The following LIN9 variants were observed in gnomAD, a reference collection of about 807,000 sequenced individuals.
LIN9 encodes the protein protein lin-9 homolog.
LIN9 carries 18 observed loss-of-function variants against 78.0 expected under a neutral mutation model. The observed-to-expected ratio is 0.23, with a 90% CI of 0.16 to 0.34. The LOEUF (loss-of-function observed/expected upper bound fraction) is 0.34, where lower values mean the gene tolerates loss of function less well. Among genes scored for constraint, LIN9 ranks in the 10% least tolerant of loss-of-function variants. The pLI is 1.00. For missense variants in LIN9, 451 were observed against 644.1 expected (o/e 0.70, Z 3.25); for synonymous variants, 192 against 215.2 (o/e 0.89, Z 0.94).
At chr1:226,279,608 CAAAA>C (rs56886138) in intron 6 of LIN9, among the ~76,000 whole-genome samples, 2 of 64,838 alleles carry the variant, frequency 3.1e-5, no homozygotes, top group Admixed American at 1.9e-4. Flanking sequence ...GCCAAAAATA[CAAAA>C]AAAAAAAAAA....
intron 6 of LIN9, among the ~76,000 whole-genome samples, chr1:226,280,065 C>T (rs1374927893): frequency 1.3e-5 from 2 of 152,154 alleles, no homozygotes; most frequent in Non-Finnish European, 2.9e-5. Flanking sequence ...ACTATGTAAA[C>T]TTTTAATCAT....
At chr1:226,279,867 A>G (rs1457076114) in intron 6 of LIN9, among the ~76,000 whole-genome samples, 1 of 152,088 alleles carries the variant, frequency 6.6e-6, no homozygotes, top group African/African-American at 2.4e-5. Flanking sequence ...TCCAAGACTC[A>G]AAGATTTTGC....
intron 1 of LIN9, among the ~76,000 whole-genome samples, chr1:226,308,344 G>C (rs1231136666): frequency 1.1e-4 from 3 of 28,308 alleles, no homozygotes; most frequent in Admixed American, 4.6e-4. Flanking sequence ...CCCTAGGGTG[G>C]GTGTCAGGCA....
At chr1:226,250,714 G>A in intron 11 of LIN9, 125 bp downstream of exon 11, 1 of 591,638 alleles carries the variant, frequency 1.7e-6, no homozygotes. Flanking sequence ...ATGCAAATGA[G>A]GATTTAAAAA....
chr1:226,244,288 C>A (rs989610603), intron 11 of LIN9, among the ~76,000 whole-genome samples: 1 of 150,702 alleles, frequency 6.6e-6, no homozygotes, highest in Non-Finnish European at 1.5e-5. Flanking sequence ...AAAAATTAGC[C>A]GGGCGCGGTG....
chr1:226,256,408 A>G (rs1320530052), intron 10 of LIN9, among the ~76,000 whole-genome samples: 1 of 152,082 alleles, frequency 6.6e-6, no homozygotes, highest in Admixed American at 6.6e-5. Flanking sequence ...ATCATTCAAA[A>G]GTAAAACAGG....
intron 4 of LIN9, among the ~76,000 whole-genome samples, chr1:226,290,507 A>T (rs1158055753): frequency 6.6e-6 from 1 of 151,196 alleles, no homozygotes; most frequent in Non-Finnish European, 1.5e-5. Flanking sequence ...CGCCCGGCTA[A>T]TTTTTTGTAT....
intron 5 of LIN9, 44 bp from the exon 6 acceptor site, chr1:226,286,502 T>C (rs749633104): frequency 2.8e-6 from 4 of 1,442,526 alleles, no homozygotes; most frequent in Non-Finnish European, 2.8e-6. Flanking sequence ...TACAATGTGT[T>C]ACTTTCTTAA....
intron 8 of LIN9, 130 bp downstream of exon 8, chr1:226,267,827 G>A (rs1660029305): frequency 1.1e-6 from 1 of 924,948 alleles, no homozygotes; most frequent in South Asian, 2.0e-5. Context: ...GATAGGGCTG[G>A]GGTCCCCTAA....
intron 11 of LIN9, among the ~76,000 whole-genome samples, chr1:226,246,792 C>CAAA (rs34407541): frequency 2.7e-4 from 21 of 77,984 alleles, no homozygotes; most frequent in African/African-American, 7.4e-4. Context: ...GACTCTGTCT[C>CAAA]AAAAAAAAAA....
intron 6 of LIN9, among the ~76,000 whole-genome samples, 162 bp from the exon 7 acceptor site, chr1:226,278,094 G>C (rs182677934): frequency 4.6e-5 from 7 of 151,684 alleles, no homozygotes; most frequent in Non-Finnish European, 1.0e-4. Flanking sequence ...CGGCTCAAGC[G>C]ATTCTGGGCT....
At chr1:226,281,642 A>G (rs897064077) in intron 6 of LIN9, among the ~76,000 whole-genome samples, 4 of 152,028 alleles carry the variant, frequency 2.6e-5, no homozygotes, top group African/African-American at 9.7e-5. Context: ...TCTTCTTGAC[A>G]TAAGAACCCA....
At chr1:226,304,376 T>A (rs570505275) in intron 1 of LIN9, among the ~76,000 whole-genome samples, 4 of 152,084 alleles carry the variant, frequency 2.6e-5, no homozygotes, top group South Asian at 2.1e-4. Context: ...GAAAAAAAAA[T>A]TTTATTGAAT....
chr1:226,296,528 T>C (rs1304168425), intron 3 of LIN9, among the ~76,000 whole-genome samples: 1 of 152,124 alleles, frequency 6.6e-6, no homozygotes, highest in Non-Finnish European at 1.5e-5. Flanking sequence ...CACTTAAGGG[T>C]CTGTAATAGT....
At chr1:226,294,582 A>C (rs186483616) in intron 4 of LIN9, among the ~76,000 whole-genome samples, 4,851 of 151,774 alleles carry the variant, frequency 0.032, 276 homozygotes, top group African/African-American at 0.11. Flanking sequence ...AAAAAAAAAA[A>C]ACAAAAAAAA....
At chr1:226,263,163 T>C (rs1048867636) in intron 10 of LIN9, among the ~76,000 whole-genome samples, 2 of 152,162 alleles carry the variant, frequency 1.3e-5, no homozygotes, top group East Asian at 1.9e-4. Context: ...ACACAGAAGA[T>C]TTTTAGGGCA....
At chr1:226,273,382 G>A (rs982509296) in intron 7 of LIN9, among the ~76,000 whole-genome samples, 3 of 149,438 alleles carry the variant, frequency 2.0e-5, no homozygotes, top group African/African-American at 7.4e-5. Context: ...CCAAGGAACT[G>A]GAACTACAGG....
At chr1:226,279,171 A>G (rs1660878075) in intron 6 of LIN9, among the ~76,000 whole-genome samples, 1 of 151,734 alleles carries the variant, frequency 6.6e-6, no homozygotes, top group Admixed American at 6.6e-5. Context: ...GGGGGAAAAA[A>G]AAATTGTTTC....
chr1:226,236,864 T>C (rs1657753140), intron 12 of LIN9, among the ~76,000 whole-genome samples: 2 of 152,238 alleles, frequency 1.3e-5, no homozygotes, highest in South Asian at 4.1e-4. Context: ...CATTGTGTAA[T>C]TATACCATGT....
Sources: gnomAD v4.1 joint callset for allele counts (sites outside exome capture counted in the v4.1 genomes callset) on GRCh38, gnomAD v4.1.1 for gene constraint, MANE v1.5 for transcripts, NCBI Gene and HGNC (gene_info 2026-07-23, HGNC 2026-07-21) for gene names.